Variants in TTC7B observed in about 807,000 individuals in gnomAD.
The protein encoded by TTC7B is tetratricopeptide repeat domain 7B.
TTC7B carries 28 observed loss-of-function variants against 106.8 expected under a neutral mutation model. The observed-to-expected ratio is 0.26, with a 90% CI of 0.19 to 0.36. TTC7B has a LOEUF of 0.36. Ranked by LOEUF, TTC7B falls within the 10% of genes least tolerant of loss-of-function variation. The pLI is 1.00. For synonymous variants in TTC7B, 405 were observed against 430.6 expected, an observed-to-expected ratio of 0.94 and a Z score of 0.74; for missense variants, 862 against 1,076.4, an observed-to-expected ratio of 0.80 and a Z score of 2.79.
intron 3 of TTC7B, among the ~76,000 whole-genome samples, chr14:90,761,837 ACT>A (rs1282288215): frequency 2.6e-5 from 4 of 151,566 alleles, no homozygotes; most frequent in African/African-American, 9.7e-5. Flanking sequence ...CTTTCAAATG[ACT>A]CTGGATTCTC....
intron 16 of TTC7B, among the ~76,000 whole-genome samples, 159 bp downstream of exon 16, chr14:90,617,770 T>C (rs554800250): frequency 1.3e-5 from 2 of 152,138 alleles, no homozygotes; most frequent in Non-Finnish European, 2.9e-5. Context: ...CCCTTAAACA[T>C]GGAGTGTGAA....
At position 90,757,402 on chromosome 14, in the gene TTC7B, C is replaced by T. The variant is rs1890338723; in HGVS notation, c.446-12480G>A. ...GGGGCTGCAGGGAGCTATGATCGCA[C>T]TACTGCACTCCAGCCTGGGTGACAG... On this transcript the variant is annotated intron_variant, in intron 3 of 19. Transcript: ENST00000328459. This position sits in a 1 kb window ranked among gnomAD's most constrained non-coding sequence, Gnocchi z 4.1. 6.6e-6 allele frequency among the ~76,000 whole-genome samples: 1 copy of T among 152,090 alleles called. No homozygotes were observed. The highest frequency in any genetic ancestry group is 2.1e-4 in the South Asian group (1 of 4,828).
At chr14:90,746,831 A>G (rs1307475523) in intron 3 of TTC7B, among the ~76,000 whole-genome samples, 1 of 152,198 alleles carries the variant, frequency 6.6e-6, no homozygotes, top group African/African-American at 2.4e-5. Flanking sequence ...TAGTTTCCAA[A>G]TATTTGGGAG....
chr14:90,743,071 C>T (rs1257688724), intron 4 of TTC7B, among the ~76,000 whole-genome samples: 1 of 152,210 alleles, frequency 6.6e-6, no homozygotes, highest in Non-Finnish European at 1.5e-5. Flanking sequence ...TTAAAGGAGC[C>T]TGGATGATCA....
At chr14:90,586,552 G>A (rs1157843704) in intron 18 of TTC7B, among the ~76,000 whole-genome samples, 1 of 152,224 alleles carries the variant, frequency 6.6e-6, no homozygotes, top group African/African-American at 2.4e-5. Context: ...TTACAGGCAT[G>A]AGCCACTGCA....
At chr14:90,700,107 C>T (rs8021288) in intron 5 of TTC7B, among the ~76,000 whole-genome samples, 27,676 of 152,214 alleles carry the variant, frequency 0.18, 2,676 homozygotes, top group East Asian at 0.3. Context: ...CAAAGCACTG[C>T]ACTCTCTTAA....
intron 3 of TTC7B, among the ~76,000 whole-genome samples, chr14:90,775,029 G>A (rs1490754215): frequency 1.4e-4 from 20 of 145,866 alleles, no homozygotes; most frequent in African/African-American, 5.0e-4. Flanking sequence ...GGCAACAAGA[G>A]TGAAATTCTG....
chr14:90,603,836 C>A (rs999871999), intron 17 of TTC7B, among the ~76,000 whole-genome samples: 1 of 152,194 alleles, frequency 6.6e-6, no homozygotes, highest in African/African-American at 2.4e-5. Flanking sequence ...TTTCCCCCCT[C>A]TAACTAAATG....
intron 5 of TTC7B, among the ~76,000 whole-genome samples, chr14:90,705,934 A>G (rs1215767972): frequency 1.3e-5 from 2 of 152,192 alleles, no homozygotes; most frequent in South Asian, 4.1e-4. Context: ...TTCATGCTAC[A>G]GTTCAATACA....
At chr14:90,786,364 G>T in intron 1 of TTC7B, 36 bp from the exon 2 acceptor site, 1 of 1,608,838 alleles carries the variant, frequency 6.2e-7, no homozygotes, top group South Asian at 1.1e-5. Flanking sequence ...TGGGAGCAAG[G>T]AATGGCCTGC....
intron 17 of TTC7B, among the ~76,000 whole-genome samples, chr14:90,595,992 A>G (rs1034082836): frequency 2.0e-5 from 3 of 152,218 alleles, no homozygotes; most frequent in African/African-American, 4.8e-5. Flanking sequence ...CTTGTTCTCT[A>G]GAACAGGGGT....
In TTC7B at chr14:90,796,790, G is replaced by C. The variant is rs540513819; in HGVS notation, c.122-10462C>G. ...ACACACCGCTATTCAGGGAGGAGTT[G>C]GCTCCTCAGTGTCCCCTTTGTTGCC... On this transcript the variant is annotated intron_variant, in intron 1 of 19. Coordinates refer to ENST00000328459, the MANE Select transcript of TTC7B (RefSeq NM_001010854.2). Among the ~76,000 whole-genome samples, 110 of 152,186 alleles carry C rather than the reference G, an allele frequency of 7.2e-4. No individual in the cohort carries two copies. The South Asian group carries it at 0.018, about 25-fold the overall frequency.
intron 15 of TTC7B, among the ~76,000 whole-genome samples, chr14:90,639,029 C>G (rs574124152): frequency 6.2e-4 from 94 of 152,246 alleles, no homozygotes; most frequent in Middle Eastern, 3.4e-3. Context: ...TGGCTCATAC[C>G]ATACACACAT....
chr14:90,744,933 T>A lies in TTC7B; in HGVS notation c.446-11A>T, dbSNP rs375054169. ...TCTCCAAACAAAGTCCTTAAAAAAA[T>A]ATCAGACACAAAAACTGAGTGAATT... On this transcript the variant is annotated splice_polypyrimidine_tract_variant and intron_variant, in intron 3 of 19. Coordinates refer to ENST00000328459, the MANE Select transcript of TTC7B (RefSeq NM_001010854.2). 1.8e-5 allele frequency: 29 copies of A among 1,611,576 alleles called. No individual in the cohort carries two copies. The African/African-American group carries it at 1.9e-4, about 10-fold the overall frequency.
At chr14:90,592,662 T>C (rs1029445542) in intron 18 of TTC7B, among the ~76,000 whole-genome samples, 5 of 151,654 alleles carry the variant, frequency 3.3e-5, no homozygotes, top group African/African-American at 9.7e-5. Flanking sequence ...TGAGCCGAGA[T>C]TGCACCACTG....
chr14:90,604,163 A>G (rs556871229), intron 17 of TTC7B, among the ~76,000 whole-genome samples: 3 of 152,350 alleles, frequency 2.0e-5, no homozygotes, highest in African/African-American at 7.2e-5. Context: ...TGCAGAAAAG[A>G]GTGGACAGGG....
In TTC7B at chr14:90,575,643, T is replaced by G. The variant is rs546490617; in HGVS notation, c.2310+2463A>C. The stretch of plus-strand genomic sequence containing the variant: ...TCCCCCTGGCTGTGGGCTGGGCTCC[T>G]GGGGACAGGCTGGGGAGAACACAGG... On this transcript the variant is annotated intron_variant, in intron 19 of 19. Coordinates refer to ENST00000328459, the MANE Select transcript of TTC7B (RefSeq NM_001010854.2). The surrounding 1 kb of genome is among the most constrained non-coding windows in gnomAD (Gnocchi z 5.2). Among the ~76,000 whole-genome samples, 139 of 152,290 alleles carry G rather than the reference T, an allele frequency of 9.1e-4. 1 individual carries two copies. Among genetic ancestry groups the G allele is most frequent in the African/African-American group, 3.1e-3 (127 of 41,570 alleles).
rs547882863 is a variant in TTC7B, at chr14:90,528,333, C to A, written c.*13035G>T. 13 of 152,392 alleles carry A rather than the reference C, an allele frequency of 8.5e-5. No homozygotes were observed. Among genetic ancestry groups the A allele is most frequent in the African/African-American group, 3.1e-4 (13 of 41,568 alleles). The allele number at this position is 152,392 out of a possible 1,614,324, so 9.4% of individuals were successfully genotyped here. On this transcript the variant is annotated 3_prime_UTR_variant, in exon 20 of 20. Coordinates refer to ENST00000328459, the MANE Select transcript of TTC7B (RefSeq NM_001010854.2). ...ACCAGGGCCACATTGTGAGTGGACACTTTCACACTCTGCAGGTGACCACGC... is the reference window on the plus strand; with the variant it reads ...ACCAGGGCCACATTGTGAGTGGACAATTTCACACTCTGCAGGTGACCACGC...
intron 9 of TTC7B, among the ~76,000 whole-genome samples, chr14:90,674,566 T>G (rs985000246): frequency 6.6e-6 from 1 of 152,222 alleles, no homozygotes; most frequent in Non-Finnish European, 1.5e-5. Flanking sequence ...AGCTCCAGGC[T>G]GGGGGCAGCT....
Sources: gnomAD v4.1 joint callset for allele counts (sites outside exome capture counted in the v4.1 genomes callset) on GRCh38, gnomAD v4.1.1 for gene constraint, Gnocchi (gnomAD v3.1) non-coding constraint, MANE v1.5 for transcripts, NCBI Gene and HGNC (gene_info 2026-07-23, HGNC 2026-07-21) for gene names.